The following FRMD4B variants were observed in gnomAD, a reference collection of about 807,000 sequenced individuals.
FRMD4B encodes the protein FERM domain-containing protein 4B.
In FRMD4B, 74 loss-of-function variants were observed where a neutral mutation model predicts 141.5. The observed-to-expected ratio is 0.52, with a 90% CI of 0.43 to 0.63. The LOEUF is 0.63. Ranked by LOEUF, FRMD4B falls within the 30% of genes least tolerant of loss-of-function variation. The pLI is 0.00. For missense variants in FRMD4B, 1,366 were observed against 1,253.4 expected (o/e 1.09, Z -1.36); for synonymous variants, 506 against 467.9 (o/e 1.08, Z -1.05).
chr3:69,301,434 T>C (rs1278368882), intron 4 of FRMD4B, among the ~76,000 whole-genome samples: 1 of 152,170 alleles, frequency 6.6e-6, no homozygotes, highest in Non-Finnish European at 1.5e-5. Context: ...AAGCGATCCT[T>C]ATGCCTCAGC....
chr3:69,313,392 G>T, intron 2 of FRMD4B, 60 bp downstream of exon 2: 1 of 1,088,510 alleles, frequency 9.2e-7, no homozygotes, highest in Non-Finnish European at 1.4e-6. Context: ...CTGTCCCCGT[G>T]AGGGTAAAAC....
chr3:69,242,456 C>A (rs1418851731), intron 7 of FRMD4B, among the ~76,000 whole-genome samples: 1 of 143,206 alleles, frequency 7.0e-6, no homozygotes, highest in Non-Finnish European at 1.5e-5. Flanking sequence ...AAAGAAATTC[C>A]TTTCCCATGG....
intron 2 of FRMD4B, among the ~76,000 whole-genome samples, chr3:69,417,163 C>T (rs371870996): frequency 1.1e-4 from 16 of 152,148 alleles, no homozygotes; most frequent in African/African-American, 3.9e-4. Context: ...TTTGCATTCC[C>T]ACCAACAGTG....
chr3:69,293,827 G>C (rs1287944694), intron 4 of FRMD4B, among the ~76,000 whole-genome samples: 1 of 136,088 alleles, frequency 7.3e-6, no homozygotes, highest in Admixed American at 8.3e-5. Flanking sequence ...GTTGCAGTGA[G>C]TTGAGATCCT....
At chr3:69,455,294 A>G (rs962164643) in intron 1 of FRMD4B, among the ~76,000 whole-genome samples, 2 of 152,214 alleles carry the variant, frequency 1.3e-5, no homozygotes, top group African/African-American at 2.4e-5. Flanking sequence ...CTGTTTACAT[A>G]ATGTGGGAGG....
intron 2 of FRMD4B, among the ~76,000 whole-genome samples, chr3:69,410,730 T>TAAATAAATAA (rs1559519806): frequency 1.3e-4 from 1 of 7,572 alleles, no homozygotes; most frequent in Non-Finnish European, 2.6e-4. Context: ...TAAATAAATA[T>TAAATAAATAA]ATATATATAT....
chr3:69,217,957 G>C (rs541187301), intron 10 of FRMD4B, among the ~76,000 whole-genome samples: 15 of 152,144 alleles, frequency 9.9e-5, no homozygotes, highest in African/African-American at 3.4e-4. Context: ...ATTAAAACAT[G>C]GTATTGCAAA....
intron 2 of FRMD4B, among the ~76,000 whole-genome samples, chr3:69,420,316 A>C (rs1450753085): frequency 6.8e-6 from 1 of 148,110 alleles, no homozygotes; most frequent in Admixed American, 6.7e-5. Flanking sequence ...CAACCAAAAC[A>C]ACCCTACATT....
In FRMD4B at chr3:69,194,725, AGTTTT is replaced by A. The variant is rs368042777; in HGVS notation, c.1488+292_1488+296del. Among the ~76,000 whole-genome samples, 79 of 152,364 alleles carry A rather than the reference AGTTTT, an allele frequency of 5.2e-4. 2 individuals carry two copies. The highest frequency in any genetic ancestry group is 1.8e-3 in the African/African-American group (75 of 41,582). On this transcript the variant is annotated intron_variant, in intron 16 of 22. Coordinates refer to ENST00000398540, the MANE Select transcript of FRMD4B (RefSeq NM_015123.3). ...AACTATTTGACAAAGGCTATTATTT[AGTTTT>A]AAGTAAACAAACCTAATGCTGGAGT...
At chr3:69,205,169 C>A (rs575652009) in intron 11 of FRMD4B, among the ~76,000 whole-genome samples, 10 of 151,528 alleles carry the variant, frequency 6.6e-5, no homozygotes, top group East Asian at 1.9e-4. Flanking sequence ...GAGTCCCCCC[C>A]CTTTTTTTTT....
At chr3:69,216,488 G>C in intron 10 of FRMD4B, 139 bp from the exon 11 acceptor site, 1 of 568,282 alleles carries the variant, frequency 1.8e-6, no homozygotes, top group Non-Finnish European at 3.1e-6. Context: ...CTGGAGTGCA[G>C]TGGCATGATC....
At chr3:69,356,947 T>C (rs1483180558) in intron 1 of FRMD4B, among the ~76,000 whole-genome samples, 12 of 152,206 alleles carry the variant, frequency 7.9e-5, no homozygotes, top group Admixed American at 7.9e-4. Context: ...GGTTCTGATT[T>C]TTAAACAAAA....
chr3:69,382,710 C>T (rs1374641750), intron 1 of FRMD4B, among the ~76,000 whole-genome samples: 2 of 148,452 alleles, frequency 1.3e-5, no homozygotes, highest in African/African-American at 5.0e-5. Context: ...ATTGGAGTTC[C>T]AGCATGTAAA....
chr3:69,287,363 C>T (rs973428374), intron 5 of FRMD4B, among the ~76,000 whole-genome samples: 4 of 152,172 alleles, frequency 2.6e-5, no homozygotes, highest in African/African-American at 7.2e-5. Context: ...GAAATTGAAC[C>T]GAAATAATAA....
At chr3:69,334,132 G>T (rs1043503075) in intron 1 of FRMD4B, 1 of 152,132 alleles carries the variant, frequency 6.6e-6, no homozygotes, top group East Asian at 1.9e-4. Context: ...TCAAGGAGAG[G>T]CTCCAGAAGA....
At chr3:69,483,961 A>C (rs896192067) in intron 1 of FRMD4B, among the ~76,000 whole-genome samples, 1 of 152,210 alleles carries the variant, frequency 6.6e-6, no homozygotes, top group Non-Finnish European at 1.5e-5. Context: ...CCTGAAATAA[A>C]ATACATCTTA....
At chr3:69,413,313 T>C (rs1480367090) in intron 2 of FRMD4B, among the ~76,000 whole-genome samples, 1 of 152,162 alleles carries the variant, frequency 6.6e-6, no homozygotes, top group African/African-American at 2.4e-5. Flanking sequence ...ATTATCTCCA[T>C]TTTACAGTTA....
rs147954975 is a variant in FRMD4B, at chr3:69,475,270, T to TAG, written c.-128-42511_-128-42510dup. Among the ~76,000 whole-genome samples the TAG allele has an allele frequency of 7.9e-3, 1,204 of 152,208 alleles. 21 individuals are homozygous for TAG. Among genetic ancestry groups the TAG allele is most frequent in the African/African-American group, 0.027 (1,140 of 41,496 alleles). ...GTGCGAAATGTGCAGGTTAGTTACA[T>TAG]AGGTATACGTGTGCCATGCTGCTGT... On this transcript the variant is annotated intron_variant, in intron 1 of 5. Transcript: ENST00000459638.
chr3:69,401,062 A>G (rs539892005), intron 2 of FRMD4B, among the ~76,000 whole-genome samples: 1 of 152,372 alleles, frequency 6.6e-6, no homozygotes, highest in South Asian at 2.1e-4. Flanking sequence ...AAGATAAATA[A>G]TTAAAATAAA....
Sources: gnomAD v4.1 joint callset for allele counts (sites outside exome capture counted in the v4.1 genomes callset) on GRCh38, gnomAD v4.1.1 for gene constraint, MANE v1.5 for transcripts, NCBI Gene and HGNC (gene_info 2026-07-23, HGNC 2026-07-21) for gene names.